NFYC: variants seen among roughly 807,000 people sequenced by gnomAD.
NFYC encodes nuclear transcription factor Y subunit gamma, also known as CAAT box DNA-binding protein subunit C.
A neutral mutation model predicts 53.1 loss-of-function variants in NFYC; 25 were observed. That is an observed-to-expected ratio of 0.47 (90% CI 0.34 to 0.66). The LOEUF is 0.66. NFYC is among the 30% of genes least tolerant of loss of function. The pLI is 0.01. For synonymous variants in NFYC, 145 were observed against 152.6 expected, an observed-to-expected ratio of 0.95 and a Z score of 0.37; for missense variants, 260 against 422.7, an observed-to-expected ratio of 0.62 and a Z score of 3.38.
At chr1:40,735,599 A>G in intron 1 of NFYC, 4 of 985,412 alleles carry the variant, frequency 4.1e-6, no homozygotes, top group Non-Finnish European at 3.6e-6. Flanking sequence ...TAAATCGTAC[A>G]GGTCTTTGTA....
intron 1 of NFYC, chr1:40,730,684 CA>C (rs144615005): frequency 0.034 from 26,419 of 775,848 alleles, 973 homozygotes; most frequent in African/African-American, 0.16. Flanking sequence ...GAACTCAACC[CA>C]AAAAGCCTAA....
chr1:40,733,226 T>TGAGG (rs1644858798), intron 1 of NFYC, among the ~76,000 whole-genome samples: 1 of 151,752 alleles, frequency 6.6e-6, no homozygotes, highest in Admixed American at 6.5e-5. Flanking sequence ...TCAAATACAA[T>TGAGG]GATTGTACAA....
At chr1:40,750,620 A>G (rs1053238961) in intron 4 of NFYC, among the ~76,000 whole-genome samples, 4 of 152,232 alleles carry the variant, frequency 2.6e-5, no homozygotes, top group African/African-American at 9.6e-5. Context: ...CTGAGCTCCA[A>G]TAAATGATAT....
chr1:40,764,401 C>T (rs774554103), intron 7 of NFYC, among the ~76,000 whole-genome samples: 1 of 152,228 alleles, frequency 6.6e-6, no homozygotes, highest in African/African-American at 2.4e-5. Context: ...CTCTACCTCT[C>T]TCACGTGTGC....
At chr1:40,723,328 T>C (rs1442209216) in intron 1 of NFYC, 1 of 152,222 alleles carries the variant, frequency 6.6e-6, no homozygotes, top group Admixed American at 6.5e-5. Context: ...CTACAGGCAC[T>C]CTTTCTGTCT....
intron 1 of NFYC, among the ~76,000 whole-genome samples, chr1:40,719,795 A>C (rs1326686749): frequency 6.6e-6 from 1 of 152,208 alleles, no homozygotes; most frequent in Non-Finnish European, 1.5e-5. Context: ...TTAATGAAAG[A>C]GCACAGAACT....
intron 1 of NFYC, among the ~76,000 whole-genome samples, chr1:40,699,341 A>G (rs1388735219): frequency 4.6e-5 from 7 of 152,124 alleles, no homozygotes; most frequent in Non-Finnish European, 8.8e-5. Flanking sequence ...AGTAATCTCT[A>G]TGAAGTTGAG....
intron 8 of NFYC, among the ~76,000 whole-genome samples, chr1:40,767,618 G>C (rs556115863): frequency 5.3e-5 from 8 of 152,030 alleles, no homozygotes; most frequent in Non-Finnish European, 7.4e-5. Context: ...TCTTCCCTGG[G>C]ATCCAAAAAA....
In NFYC at chr1:40,770,862, A is replaced by T. The variant is rs2148823671; in HGVS notation, c.*34A>T. 6.2e-7 allele frequency: 1 copy of T among 1,600,106 alleles called. No homozygotes were observed. The highest frequency in any genetic ancestry group is 1.3e-5 in the African/African-American group (1 of 74,986). ...GCTGGCAAGGCCAAGGACACCCAAC[A>T]CAATTTTTGCCATACAGCCCCAGGC... On this transcript the variant is annotated 3_prime_UTR_variant, in exon 10 of 10. Coordinates refer to ENST00000447388, the MANE Select transcript of NFYC (RefSeq NM_014223.5). The surrounding 1 kb of genome is among the most constrained non-coding windows in gnomAD (Gnocchi z 5.3).
chr1:40,726,305 A>G (rs1051829608), intron 1 of NFYC, among the ~76,000 whole-genome samples: 4 of 151,816 alleles, frequency 2.6e-5, no homozygotes, highest in African/African-American at 9.7e-5. Flanking sequence ...TTTAGTAGAG[A>G]CGGGGTTTCA....
At chr1:40,712,065 A>G (rs1032608810) in intron 1 of NFYC, among the ~76,000 whole-genome samples, 6 of 152,200 alleles carry the variant, frequency 3.9e-5, no homozygotes, top group African/African-American at 1.4e-4. Flanking sequence ...CAAATTGTGA[A>G]GAGCTACATA....
At chr1:40,704,381 GT>G (rs1643593990) in intron 1 of NFYC, among the ~76,000 whole-genome samples, 2 of 152,236 alleles carry the variant, frequency 1.3e-5, no homozygotes, top group South Asian at 4.1e-4. Context: ...TGATTTGAGT[GT>G]TTTTTAGGGT....
intron 1 of NFYC, among the ~76,000 whole-genome samples, chr1:40,737,901 C>CTTTTTTTTTTTTTTTTTTTTT (rs530348029): frequency 8.1e-6 from 1 of 123,162 alleles, no homozygotes; most frequent in African/African-American, 3.1e-5. Context: ...TGCTCTCTCT[C>CTTTTTTTTTTTTTTTTTTTTT]TTTTTTTTTT....
chr1:40,718,133 G>C (rs1429365701), intron 1 of NFYC, among the ~76,000 whole-genome samples: 1 of 152,152 alleles, frequency 6.6e-6, no homozygotes, highest in Non-Finnish European at 1.5e-5. Context: ...TCATTGGCCA[G>C]ATGCCCATGA....
At chr1:40,764,494 G>A (rs1457381544) in intron 7 of NFYC, among the ~76,000 whole-genome samples, 1 of 152,096 alleles carries the variant, frequency 6.6e-6, no homozygotes, top group African/African-American at 2.4e-5. Flanking sequence ...CTGTTGAATG[G>A]TTCTCATTTT....
chr1:40,766,898 C>A, intron 8 of NFYC, 195 bp downstream of exon 8: 3 of 1,552,000 alleles, frequency 1.9e-6, no homozygotes, highest in South Asian at 1.2e-5. Context: ...AGTGTTTTCT[C>A]TTACCATCTT....
chr1:40,734,246 T>G (rs543670227), intron 1 of NFYC, among the ~76,000 whole-genome samples: 1 of 152,342 alleles, frequency 6.6e-6, no homozygotes, highest in South Asian at 2.1e-4. Context: ...ATATTTTCCA[T>G]GGGCTTGTAG....
At chr1:40,760,279 T>C (rs1402868415) in intron 6 of NFYC, among the ~76,000 whole-genome samples, 3 of 152,162 alleles carry the variant, frequency 2.0e-5, no homozygotes, top group East Asian at 1.9e-4. Context: ...TAAGTAATTA[T>C]GATTTGGCCA....
chr1:40,703,215 T>A (rs1643528043), intron 1 of NFYC, among the ~76,000 whole-genome samples: 1 of 151,986 alleles, frequency 6.6e-6, no homozygotes. Context: ...CTGGGCTGGG[T>A]GCAGTGGCTC....
Sources: gnomAD v4.1 joint callset for allele counts (sites outside exome capture counted in the v4.1 genomes callset) on GRCh38, gnomAD v4.1.1 for gene constraint, Gnocchi (gnomAD v3.1) non-coding constraint, MANE v1.5 for transcripts, NCBI Gene and HGNC (gene_info 2026-07-23, HGNC 2026-07-21) for gene names.